The following STXBP5L variants were observed in gnomAD, a reference collection of about 807,000 sequenced individuals.
The protein encoded by STXBP5L is syntaxin binding protein 5L, also known as syntaxin-binding protein 5-like.
A neutral mutation model predicts 144.5 loss-of-function variants in STXBP5L; 65 were observed. That is an observed-to-expected ratio of 0.45 (90% CI 0.37 to 0.55). The LOEUF is 0.55. Among genes scored for constraint, STXBP5L ranks in the 20% least tolerant of loss-of-function variants. The pLI is 0.00. For missense variants in STXBP5L, 1,298 were observed against 1,405.5 expected, an observed-to-expected ratio of 0.92 and a Z score of 1.22; for synonymous variants, 505 against 469.6, an observed-to-expected ratio of 1.08 and a Z score of -0.97.
chr3:121,117,423 C>T (rs2044279764), intron 6 of STXBP5L, among the ~76,000 whole-genome samples: 1 of 151,762 alleles, frequency 6.6e-6, no homozygotes, highest in Non-Finnish European at 1.5e-5. Flanking sequence ...AATTCTAATT[C>T]CACTGTGACA....
At chr3:121,147,491 A>G (rs932308678) in intron 7 of STXBP5L, among the ~76,000 whole-genome samples, 2 of 152,200 alleles carry the variant, frequency 1.3e-5, no homozygotes, top group African/African-American at 4.8e-5. Context: ...TATAGTTTAT[A>G]TTACATTTCT....
rs72966765 is a variant in STXBP5L, at chr3:120,973,091, T to A, written c.287+18054T>A. Reference sequence around the variant, plus strand: ...TCAAAATGATACTGGTTTCCTAGAATGAGTTATGTAGGATTCCCTTCTCGA... The same window carrying A: ...TCAAAATGATACTGGTTTCCTAGAAAGAGTTATGTAGGATTCCCTTCTCGA... On this transcript the variant is annotated intron_variant, in intron 3 of 26. Coordinates refer to ENST00000471454, the MANE Select transcript of STXBP5L (RefSeq NM_001308330.2). Among the ~76,000 whole-genome samples, 395 of 152,220 alleles carry A rather than the reference T, an allele frequency of 2.6e-3. 2 individuals carry two copies. The highest frequency in any genetic ancestry group is 8.9e-3 in the African/African-American group (369 of 41,554).
chr3:121,223,425 T>C (rs2049031038), intron 11 of STXBP5L, among the ~76,000 whole-genome samples: 1 of 152,140 alleles, frequency 6.6e-6, no homozygotes, highest in Non-Finnish European at 1.5e-5. Flanking sequence ...GAGGGTCTGA[T>C]AAGGGTCCAG....
intron 5 of STXBP5L, among the ~76,000 whole-genome samples, chr3:121,098,089 C>T (rs190204982): frequency 5.9e-5 from 9 of 152,136 alleles, no homozygotes; most frequent in African/African-American, 1.4e-4. Context: ...GTTCAACCTA[C>T]GGTACTGATA....
chr3:121,113,262 G>GT (rs933962773), intron 5 of STXBP5L, among the ~76,000 whole-genome samples: 5 of 152,008 alleles, frequency 3.3e-5, no homozygotes, highest in Non-Finnish European at 7.4e-5. Flanking sequence ...TGGGATTAGT[G>GT]TTTTTTCCAC....
intron 5 of STXBP5L, among the ~76,000 whole-genome samples, chr3:121,078,148 A>G (rs2042100129): frequency 6.6e-6 from 1 of 151,848 alleles, no homozygotes; most frequent in Non-Finnish European, 1.5e-5. Context: ...CAGAGCATCA[A>G]TTGGTGCATT....
At chr3:120,961,072 T>C (rs1205546382) in intron 3 of STXBP5L, among the ~76,000 whole-genome samples, 4 of 152,156 alleles carry the variant, frequency 2.6e-5, no homozygotes, top group Non-Finnish European at 5.9e-5. Flanking sequence ...TGTCTAGAAA[T>C]TTATCAATTT....
At chr3:121,030,687 A>G (rs1383571047) in intron 3 of STXBP5L, among the ~76,000 whole-genome samples, 2 of 152,028 alleles carry the variant, frequency 1.3e-5, no homozygotes, top group East Asian at 3.9e-4. Flanking sequence ...AAAAACATAT[A>G]AATTCCCAGA....
chr3:120,945,074 C>T (rs924245912), intron 2 of STXBP5L, among the ~76,000 whole-genome samples: 13 of 151,940 alleles, frequency 8.6e-5, no homozygotes, highest in East Asian at 1.9e-4. Flanking sequence ...GTGTCCATCA[C>T]GTTCCTTACT....
At chr3:121,413,641 T>C (rs978073155) in intron 24 of STXBP5L, among the ~76,000 whole-genome samples, 2 of 152,184 alleles carry the variant, frequency 1.3e-5, no homozygotes, top group African/African-American at 2.4e-5. Context: ...AAAATATGTA[T>C]GTAAACACAA....
intron 2 of STXBP5L, among the ~76,000 whole-genome samples, chr3:120,937,742 A>G (rs1193987746): frequency 6.6e-6 from 1 of 152,192 alleles, no homozygotes; most frequent in East Asian, 1.9e-4. Context: ...AAAAACAAAC[A>G]AACAAAAAAA....
intron 22 of STXBP5L, among the ~76,000 whole-genome samples, chr3:121,400,831 G>C (rs929624322): frequency 2.6e-5 from 4 of 152,076 alleles, no homozygotes; most frequent in Non-Finnish European, 5.9e-5. Flanking sequence ...CTGGAGACTA[G>C]CTATTGTGTT....
chr3:121,342,637 C>G (rs376915531), intron 20 of STXBP5L, among the ~76,000 whole-genome samples: 1 of 151,798 alleles, frequency 6.6e-6, no homozygotes, highest in African/African-American at 2.4e-5. Flanking sequence ...GAGAATGATG[C>G]TTTCCAATTT....
chr3:121,352,837 T>C (rs1457382308), intron 20 of STXBP5L, among the ~76,000 whole-genome samples: 1 of 152,170 alleles, frequency 6.6e-6, no homozygotes, highest in Non-Finnish European at 1.5e-5. Flanking sequence ...GTAGCTCTTA[T>C]TATTTTGAGA....
chr3:120,987,357 C>T (rs572733256), intron 3 of STXBP5L, among the ~76,000 whole-genome samples: 18 of 151,864 alleles, frequency 1.2e-4, no homozygotes, highest in Non-Finnish European at 2.4e-4. Flanking sequence ...TACTAATTTT[C>T]ATTTCATGCT....
chr3:121,100,333 T>C (rs1363899928), intron 5 of STXBP5L, among the ~76,000 whole-genome samples: 1 of 152,156 alleles, frequency 6.6e-6, no homozygotes, highest in Non-Finnish European at 1.5e-5. Context: ...ACTCCAAACT[T>C]GACCACATCC....
At chr3:121,040,122 T>C (rs1180547116) in intron 3 of STXBP5L, among the ~76,000 whole-genome samples, 2 of 152,082 alleles carry the variant, frequency 1.3e-5, no homozygotes, top group African/African-American at 2.4e-5. Flanking sequence ...TTGATATTTC[T>C]CCTTGTTACA....
At chr3:121,317,220 TA>T (rs1344639884) in intron 19 of STXBP5L, among the ~76,000 whole-genome samples, 1 of 152,146 alleles carries the variant, frequency 6.6e-6, no homozygotes, top group Non-Finnish European at 1.5e-5. Flanking sequence ...TTCAATGAAG[TA>T]AAAAATAGAG....
At chr3:121,001,154 C>T (rs765265313) in intron 3 of STXBP5L, among the ~76,000 whole-genome samples, 6 of 152,188 alleles carry the variant, frequency 3.9e-5, no homozygotes, top group Non-Finnish European at 7.3e-5. Context: ...AGGGTCTGTG[C>T]ATAGGCATGT....
Sources: gnomAD v4.1 joint callset for allele counts (sites outside exome capture counted in the v4.1 genomes callset) on GRCh38, gnomAD v4.1.1 for gene constraint, MANE v1.5 for transcripts, NCBI Gene and HGNC (gene_info 2026-07-23, HGNC 2026-07-21) for gene names.